NUP98: variants seen among roughly 807,000 people sequenced by gnomAD.
The protein encoded by NUP98 is nucleoporin 98 and 96 precursor.
NUP98 carries 26 observed loss-of-function variants against 191.9 expected under a neutral mutation model. That is an observed-to-expected ratio of 0.14 (90% confidence interval 0.10 to 0.19). The LOEUF is 0.19. NUP98 is among the 10% of genes least tolerant of loss of function. NUP98 has a pLI of 1.00. For synonymous variants in NUP98, 808 were observed against 778.4 expected, an observed-to-expected ratio of 1.04 and a Z score of -0.63; for missense variants, 1,941 against 2,178.8, an observed-to-expected ratio of 0.89 and a Z score of 2.17.
chr11:3,706,554 T>C lies in NUP98; in HGVS notation c.2816A>G (p.Glu939Gly), dbSNP rs764032384. The change falls in exon 21 of 33, where the codon GAG becomes GGG. Residue 939 changes from glutamate to glycine, a missense_variant. By Grantham distance (98) the Glu-to-Gly change is moderately conservative. Transcript: ENST00000324932. ...TTCTAACATGGTATCCAAAACTGGCTCCTGGGTGATATCTACCATGTCACT... is the reference window on the plus strand; with the variant it reads ...TTCTAACATGGTATCCAAAACTGGCCCCTGGGTGATATCTACCATGTCACT... Reference protein sequence around the residue: ...LDSDMVDITQEPVLDTMLEES... With the variant: ...LDSDMVDITQGPVLDTMLEES... The C allele has an allele frequency of 3.2e-5, 51 of 1,614,026 alleles. No homozygotes were observed. Among genetic ancestry groups the C allele is most frequent in the Non-Finnish European group, 3.8e-5 (45 of 1,180,024 alleles).
chr11:3,737,915 C>T (rs1191671814), intron 12 of NUP98, among the ~76,000 whole-genome samples: 1 of 148,766 alleles, frequency 6.7e-6, no homozygotes, highest in Non-Finnish European at 1.5e-5. Flanking sequence ...TACAGATTAA[C>T]AGCATACTGC....
At chr11:3,737,321 CAAAAAAA>C (rs34718372) in intron 12 of NUP98, among the ~76,000 whole-genome samples, 2 of 111,968 alleles carry the variant, frequency 1.8e-5, no homozygotes. Flanking sequence ...GCAGTAATAA[CAAAAAAA>C]AAAAAAAAAA....
intron 22 of NUP98, among the ~76,000 whole-genome samples, chr11:3,704,783 A>C (rs202438): frequency 0.22 from 33,181 of 152,142 alleles, 3,750 homozygotes; most frequent in East Asian, 0.26. Flanking sequence ...AGGCAGGATG[A>C]TCAGTTGAGG....
In NUP98 at chr11:3,768,810, C is replaced by T. The variant is rs1349276665; in HGVS notation, c.785-66G>A. ...AAAAAAATGTAAACACCCAAAAATA[C>T]AAAACCTTCCATTATCCAGTTGTTG... On this transcript the variant is annotated intron_variant, in intron 7 of 32. Transcript: ENST00000324932. 8 of 1,225,588 alleles carry T rather than the reference C, an allele frequency of 6.5e-6. No homozygotes were observed. The African/African-American group carries it at 1.1e-4, about 16-fold the overall frequency. 75.9% of individuals were successfully genotyped at this position (1,225,588 alleles called of 1,614,324 possible).
In NUP98 at chr11:3,676,061, C is replaced by A; in HGVS notation, c.*98G>T. 8.3e-7 allele frequency: 1 copy of A among 1,207,084 alleles called. No homozygotes were observed. Among genetic ancestry groups the A allele is most frequent in the Non-Finnish European group, 1.2e-6 (1 of 850,328 alleles). 74.8% of individuals were successfully genotyped at this position (1,207,084 alleles called of 1,614,324 possible). A position where few individuals can be genotyped will look rare whatever the true frequency, so the allele number is the denominator to read the frequency against. Reference sequence around the variant, plus strand: ...CAGGGAGGGAGGGTAGATGCCACAGCCAACCCAGAGAATGGCAAACAGTGC... The same window carrying A: ...CAGGGAGGGAGGGTAGATGCCACAGACAACCCAGAGAATGGCAAACAGTGC... On this transcript the variant is annotated 3_prime_UTR_variant, in exon 33 of 33. Transcript: ENST00000324932.
intron 1 of NUP98, among the ~76,000 whole-genome samples, chr11:3,788,457 C>G (rs2082216325): frequency 6.6e-6 from 1 of 151,934 alleles, no homozygotes. Flanking sequence ...CAAAAATTAG[C>G]CTACATGCCT....
chr11:3,748,570 T>C (rs945128723), intron 11 of NUP98, among the ~76,000 whole-genome samples: 3 of 152,044 alleles, frequency 2.0e-5, no homozygotes, highest in Admixed American at 6.6e-5. Context: ...GCCGGGAGGC[T>C]GAGGCAGGCA....
chr11:3,676,358 G>A lies in NUP98; in HGVS notation c.5204C>T (p.Ala1735Val). 1.2e-6 allele frequency: 2 copies of A among 1,614,010 alleles called. No homozygotes were observed. Among genetic ancestry groups the A allele is most frequent in the South Asian group, 1.1e-5 (1 of 91,082 alleles). The change falls in exon 33 of 33, where the codon GCC becomes GTC. Residue 1735 changes from alanine (A) to valine (V), a missense_variant. By Grantham distance (64) the Ala-to-Val change is moderately conservative. Around this residue, in one of 6 missense-constraint regions of NUP98, gnomAD observed 1,030 missense variants for 1,115.8 expected, o/e 0.92. Coordinates refer to ENST00000324932, the MANE Select transcript of NUP98 (RefSeq NM_016320.5). ...LAQSDMAKRV[A>V]NLLRVVLSLH... ...ACTCAGCACCACGCGCAGCAGGTTG[G>A]CTACACGTTTGGCCATGTCTAGAGA... is the stretch of plus-strand genomic sequence containing the variant.
At chr11:3,761,719 C>T (rs990191894) in intron 9 of NUP98, among the ~76,000 whole-genome samples, 4 of 152,104 alleles carry the variant, frequency 2.6e-5, no homozygotes, top group African/African-American at 9.7e-5. Flanking sequence ...GATCGCACGC[C>T]ACTGTACTCC....
intron 14 of NUP98, among the ~76,000 whole-genome samples, chr11:3,729,592 C>CTGTGGTCT (rs2079758888): frequency 6.8e-6 from 1 of 146,880 alleles, no homozygotes; most frequent in African/African-American, 2.5e-5. Context: ...TGGTGTGGGC[C>CTGTGGTCT]TGTGGTCTCA....
chr11:3,712,674 G>GCTC lies in NUP98; in HGVS notation c.2629_2631dup (p.Glu877dup). ...TTCTTTGTACTAGTTTTAGACGGAT[G>GCTC]CTCCTCCTCCTCTTCATCAGAATCC... is the stretch of plus-strand genomic sequence containing the variant. On this transcript the variant is annotated inframe_insertion, in exon 20 of 33. Coordinates refer to ENST00000324932, the MANE Select transcript of NUP98 (RefSeq NM_016320.5). 6.2e-7 allele frequency: 1 copy of GCTC among 1,613,318 alleles called. No individual in the cohort carries two copies. The highest frequency in any genetic ancestry group is 1.1e-5 in the South Asian group (1 of 91,046).
rs973452909 is a variant in NUP98, at chr11:3,720,170, G to A, written c.2260+542C>T. 2.6e-5 allele frequency among the ~76,000 whole-genome samples: 4 copies of A among 152,126 alleles called. No individual in the cohort carries two copies. The East Asian group carries it at 7.7e-4, about 29-fold the overall frequency. On this transcript the variant is annotated intron_variant, in intron 17 of 32. Transcript: ENST00000324932. ...TAAACAAACCTTCGCACTTGGCCTGGCATATGGGTTAAAATGCCTGAGCTC... is the reference window on the plus strand; with the variant it reads ...TAAACAAACCTTCGCACTTGGCCTGACATATGGGTTAAAATGCCTGAGCTC...
chr11:3,729,962 CG>C (rs2079780190), intron 14 of NUP98, among the ~76,000 whole-genome samples: 1 of 152,026 alleles, frequency 6.6e-6, no homozygotes, highest in African/African-American at 2.4e-5. Flanking sequence ...TAGGACAAGG[CG>C]GGGCACAGTG....
chr11:3,744,962 A>T (rs640359), intron 11 of NUP98, among the ~76,000 whole-genome samples: 80,457 of 151,938 alleles, frequency 0.53, 21,454 homozygotes, highest in African/African-American at 0.61. Context: ...AGACATCGGG[A>T]ACATACTACA....
At chr11:3,737,767 A>G (rs2080124743) in intron 12 of NUP98, among the ~76,000 whole-genome samples, 1 of 152,250 alleles carries the variant, frequency 6.6e-6, no homozygotes, top group African/African-American at 2.4e-5. Flanking sequence ...ACTAGACAGG[A>G]CAAGTTTGCT....
intron 20 of NUP98, among the ~76,000 whole-genome samples, chr11:3,709,135 G>C (rs890359521): frequency 6.6e-6 from 1 of 152,160 alleles, no homozygotes; most frequent in Non-Finnish European, 1.5e-5. Context: ...TGAATGACAA[G>C]TCCAAGGTCA....
At chr11:3,731,787 T>C (rs1040961451) in intron 13 of NUP98, among the ~76,000 whole-genome samples, 2 of 152,180 alleles carry the variant, frequency 1.3e-5, no homozygotes, top group African/African-American at 4.8e-5. Flanking sequence ...GGTCCAGAAG[T>C]ATTTTGGATT....
intron 18 of NUP98, among the ~76,000 whole-genome samples, chr11:3,715,951 T>C (rs917554098): frequency 6.6e-6 from 1 of 152,234 alleles, no homozygotes; most frequent in Non-Finnish European, 1.5e-5. Context: ...GTTGTTGCTG[T>C]TGAATTGCAG....
At chr11:3,729,701 T>A (rs1589824676) in intron 14 of NUP98, among the ~76,000 whole-genome samples, 2 of 63,082 alleles carry the variant, frequency 3.2e-5, no homozygotes, top group Middle Eastern at 0.019. Flanking sequence ...GGCAATGGCA[T>A]AAGACTCTTG....
Sources: allele counts gnomAD v4.1 joint callset (sites outside exome capture counted in the v4.1 genomes callset), GRCh38; gene constraint gnomAD v4.1.1; regional missense constraint gnomAD v4.1.1; transcripts MANE v1.5; gene names NCBI Gene and HGNC (gene_info 2026-07-23, HGNC 2026-07-21).